TRPM3: variants seen among roughly 807,000 people sequenced by gnomAD.
The protein encoded by TRPM3 is transient receptor potential cation channel subfamily M member 3.
In TRPM3, 77 loss-of-function variants were observed where a neutral mutation model predicts 181.2. The ratio of observed to expected loss-of-function variants is 0.42; its 90% CI spans 0.35 to 0.51. The LOEUF (loss-of-function observed/expected upper bound fraction) is 0.51. Ranked by LOEUF, TRPM3 falls within the 20% of genes least tolerant of loss-of-function variation. TRPM3 has a pLI of 0.01. For synonymous variants in TRPM3, 745 were observed against 796.4 expected, an observed-to-expected ratio of 0.94 and a Z score of 1.09; for missense variants, 1,759 against 2,196.7, an observed-to-expected ratio of 0.80 and a Z score of 3.98.
intron 1 of TRPM3, among the ~76,000 whole-genome samples, chr9:71,246,233 C>A (rs981250063): frequency 2.0e-5 from 3 of 152,120 alleles, no homozygotes; most frequent in Admixed American, 2.0e-4. Flanking sequence ...TTATGTTCAT[C>A]TCCAGGGCTT....
intron 1 of TRPM3, among the ~76,000 whole-genome samples, chr9:71,405,304 T>A (rs1044904599): frequency 1.3e-5 from 2 of 152,178 alleles, no homozygotes; most frequent in African/African-American, 4.8e-5. Context: ...ATGCACAAAT[T>A]TTTTTTAAAA....
intron 1 of TRPM3, among the ~76,000 whole-genome samples, chr9:71,016,540 AC>A (rs1402591870): frequency 6.6e-6 from 1 of 152,194 alleles, no homozygotes; most frequent in Admixed American, 6.5e-5. Context: ...GACTTAATTT[AC>A]TTAACATAAC....
At chr9:71,294,361 T>G (rs2086078022) in intron 1 of TRPM3, among the ~76,000 whole-genome samples, 1 of 151,992 alleles carries the variant, frequency 6.6e-6, no homozygotes, top group South Asian at 2.1e-4. Flanking sequence ...AATAAACATA[T>G]GACATGATGC....
At chr9:71,100,540 G>A (rs1178725028) in intron 1 of TRPM3, among the ~76,000 whole-genome samples, 1 of 152,070 alleles carries the variant, frequency 6.6e-6, no homozygotes, top group Admixed American at 6.6e-5. Context: ...ACTCACCTGG[G>A]AGGTATATAC....
chr9:70,886,818 C>T (rs746886549), intron 1 of TRPM3, among the ~76,000 whole-genome samples: 11 of 152,066 alleles, frequency 7.2e-5, no homozygotes, highest in Non-Finnish European at 1.5e-4. Context: ...GCCTGCACCA[C>T]CATACCTGGC....
In TRPM3 at chr9:71,102,579, T is replaced by C. The variant is rs542903803; in HGVS notation, c.177+18599A>G. ...ACCACACTGCTTCTGCACATACTCT[T>C]TCCTCTCCTTGGAATGTCTTTTATT... On this transcript the variant is annotated intron_variant, in intron 1 of 25. Transcript: ENST00000677713. Among the ~76,000 whole-genome samples the C allele has an allele frequency of 2.0e-5, 3 of 152,298 alleles. No homozygotes were observed. In the East Asian group the frequency reaches 5.8e-4, roughly 29 times the overall value.
At chr9:71,200,204 G>A (rs2131722821) in intron 1 of TRPM3, among the ~76,000 whole-genome samples, 1 of 152,132 alleles carries the variant, frequency 6.6e-6, no homozygotes, top group South Asian at 2.1e-4. Context: ...TCTTAATCCT[G>A]AGTTCTAGTT....
chr9:71,446,964 G>C, upstream of TRPM3: 1 of 963,304 alleles, frequency 1.0e-6, no homozygotes, highest in Non-Finnish European at 1.4e-6. Flanking sequence ...GCCGGCTCCT[G>C]CCAGAGCCCC....
intron 1 of TRPM3, among the ~76,000 whole-genome samples, chr9:71,269,177 C>T (rs1287123009): frequency 6.6e-6 from 1 of 152,136 alleles, no homozygotes; most frequent in Non-Finnish European, 1.5e-5. Context: ...AGAGCTGGTA[C>T]ATTATACACA....
intron 1 of TRPM3, among the ~76,000 whole-genome samples, chr9:71,073,996 C>T (rs1317360271): frequency 1.3e-5 from 2 of 152,064 alleles, no homozygotes; most frequent in Non-Finnish European, 2.9e-5. Context: ...AAGAATACAT[C>T]TTTTGATTCT....
intron 1 of TRPM3, among the ~76,000 whole-genome samples, chr9:70,972,466 T>C (rs1427580674): frequency 6.6e-6 from 1 of 152,142 alleles, no homozygotes; most frequent in African/African-American, 2.4e-5. Flanking sequence ...TGCCAGGGAC[T>C]GGGATGAGCG....
At chr9:71,323,426 A>T (rs1258409940) in intron 1 of TRPM3, among the ~76,000 whole-genome samples, 1 of 152,172 alleles carries the variant, frequency 6.6e-6, no homozygotes, top group East Asian at 1.9e-4. Flanking sequence ...TGAAAGAGGT[A>T]GTGTTATCTA....
intron 9 of TRPM3, among the ~76,000 whole-genome samples, chr9:70,651,996 A>G (rs1199867622): frequency 3.3e-5 from 5 of 152,174 alleles, no homozygotes; most frequent in Non-Finnish European, 7.3e-5. Flanking sequence ...CAATAAATCA[A>G]AGAAAAATCC....
chr9:71,305,394 T>C (rs1211661579), intron 1 of TRPM3, among the ~76,000 whole-genome samples: 5 of 152,122 alleles, frequency 3.3e-5, no homozygotes, highest in South Asian at 4.2e-4. Flanking sequence ...TTCATCATAC[T>C]AGGGGAGTAA....
At chr9:70,669,010 T>A (rs1436754014) in intron 9 of TRPM3, among the ~76,000 whole-genome samples, 1 of 152,186 alleles carries the variant, frequency 6.6e-6, no homozygotes, top group African/African-American at 2.4e-5. Context: ...GGATGGCAAT[T>A]AGCTTACTGT....
chr9:70,843,152 T>C, intron 4 of TRPM3, 25 bp from the exon 5 acceptor site: 1 of 1,593,968 alleles, frequency 6.3e-7, no homozygotes, highest in African/African-American at 1.4e-5. Flanking sequence ...GAAGCATTGA[T>C]TTTTTCTTTT....
intron 1 of TRPM3, among the ~76,000 whole-genome samples, chr9:70,979,561 T>C (rs1423512899): frequency 6.6e-6 from 1 of 152,166 alleles, no homozygotes; most frequent in Non-Finnish European, 1.5e-5. Context: ...AATACTGTGC[T>C]CCTTGGTGTA....
At chr9:70,918,086 A>C (rs1249353585) in intron 1 of TRPM3, among the ~76,000 whole-genome samples, 2 of 152,212 alleles carry the variant, frequency 1.3e-5, no homozygotes, top group Non-Finnish European at 2.9e-5. Flanking sequence ...AACCATTGTA[A>C]ATATATTTGC....
intron 8 of TRPM3, chr9:70,760,681 C>G (rs201560579): frequency 1.9e-5 from 2 of 104,032 alleles, no homozygotes; most frequent in Non-Finnish European, 4.2e-5. Flanking sequence ...TTTTTTTTTT[C>G]TAAACATTTT....
Sources: gnomAD v4.1 joint callset for allele counts (sites outside exome capture counted in the v4.1 genomes callset) on GRCh38, gnomAD v4.1.1 for gene constraint, MANE v1.5 for transcripts, NCBI Gene and HGNC (gene_info 2026-07-23, HGNC 2026-07-21) for gene names.